Variants in HHLA2 observed in about 807,000 individuals in gnomAD.
The protein encoded by HHLA2 is HERV-H LTR-associating protein 2.
Under a neutral mutation model 45.9 loss-of-function variants are expected in HHLA2, and 48 were observed. The observed-to-expected ratio is 1.05, with a 90% CI of 0.83 to 1.33. The LOEUF is 1.33. HHLA2 is among the 40% of genes most tolerant of loss of function. The pLI is 0.00. For missense variants in HHLA2, 462 were observed against 494.3 expected (o/e 0.93, Z 0.62); for synonymous variants, 161 against 173.9 (o/e 0.93, Z 0.59).
chr3:108,334,130 G>T (rs983442111), intron 3 of HHLA2, among the ~76,000 whole-genome samples: 1 of 152,180 alleles, frequency 6.6e-6, no homozygotes, highest in Admixed American at 6.5e-5. Context: ...GAGTCATGCT[G>T]AAAACAGGCA....
chr3:108,367,941 T>G (rs2107499657), intron 8 of HHLA2, among the ~76,000 whole-genome samples: 1 of 152,200 alleles, frequency 6.6e-6, no homozygotes, highest in Non-Finnish European at 1.5e-5. Flanking sequence ...GAAAAAAATG[T>G]TAAGGGCAGC....
At chr3:108,349,679 T>C (rs1476301323) in intron 3 of HHLA2, among the ~76,000 whole-genome samples, 4 of 152,170 alleles carry the variant, frequency 2.6e-5, no homozygotes, top group African/African-American at 7.2e-5. Context: ...AGGTGTGAGA[T>C]GCAGAGTACA....
chr3:108,339,886 C>A (rs1443776109), intron 3 of HHLA2, among the ~76,000 whole-genome samples: 2 of 152,130 alleles, frequency 1.3e-5, no homozygotes, highest in Non-Finnish European at 2.9e-5. Context: ...TCAGGTGTGT[C>A]ACTTTTGCCT....
At chr3:108,340,375 A>G (rs949565675) in intron 3 of HHLA2, among the ~76,000 whole-genome samples, 6 of 152,206 alleles carry the variant, frequency 3.9e-5, no homozygotes, top group Non-Finnish European at 8.8e-5. Context: ...CCCCACTTAA[A>G]GAAATCTTCT....
chr3:108,373,041 G>A (rs572553091), intron 8 of HHLA2, among the ~76,000 whole-genome samples: 1 of 152,252 alleles, frequency 6.6e-6, no homozygotes, highest in South Asian at 2.1e-4. Flanking sequence ...GAGAATTTTA[G>A]ACCAATATCC....
intron 3 of HHLA2, among the ~76,000 whole-genome samples, chr3:108,347,596 A>G (rs544808491): frequency 1.3e-5 from 2 of 152,070 alleles, no homozygotes; most frequent in Non-Finnish European, 2.9e-5. Flanking sequence ...TTCTTTTTTT[A>G]AAAAATATGA....
intron 3 of HHLA2, among the ~76,000 whole-genome samples, chr3:108,342,766 A>G (rs2081596008): frequency 6.6e-6 from 1 of 152,098 alleles, no homozygotes; most frequent in African/African-American, 2.4e-5. Flanking sequence ...TTGCTGCTGC[A>G]TCTTTGTTCT....
chr3:108,308,180 T>C (rs1004215002), intron 1 of HHLA2, among the ~76,000 whole-genome samples: 1 of 152,192 alleles, frequency 6.6e-6, no homozygotes, highest in African/African-American at 2.4e-5. Flanking sequence ...CTTCCCAGCC[T>C]CTGGTAACAA....
rs138102526 is a variant in HHLA2 at position 108,298,628 on chromosome 3, A to T, written c.-192+2029A>T. On this transcript the variant is annotated intron_variant, in intron 1 of 10. Coordinates refer to ENST00000619531, the Ensembl canonical transcript of HHLA2. ...TCTCAGAGATAATGTACTGTATTGC[A>T]TCTTTTTCTGTTGGAGACTAGAATG... Among the ~76,000 whole-genome samples, 1,467 of 152,290 alleles carry T rather than the reference A, an allele frequency of 9.6e-3. 17 individuals are homozygous for T. The highest frequency in any genetic ancestry group is 0.016 in the Admixed American group (246 of 15,300).
At chr3:108,369,211 C>T (rs192996978) in intron 8 of HHLA2, among the ~76,000 whole-genome samples, 35 of 152,260 alleles carry the variant, frequency 2.3e-4, no homozygotes, top group South Asian at 2.1e-4. Context: ...ATCTCTGGGA[C>T]GCAGCTAAAG....
intron 8 of HHLA2, among the ~76,000 whole-genome samples, chr3:108,372,352 T>A (rs1387580272): frequency 6.6e-6 from 1 of 151,526 alleles, no homozygotes; most frequent in Admixed American, 6.6e-5. Flanking sequence ...TTTATAGCAC[T>A]AAATGCCCAC....
chr3:108,366,656 T>C (rs2082067832), intron 8 of HHLA2, among the ~76,000 whole-genome samples: 3 of 152,178 alleles, frequency 2.0e-5, no homozygotes, highest in Admixed American at 2.0e-4. Flanking sequence ...ATTTCAGAAC[T>C]TGTTATTGGT....
At chr3:108,338,471 CAT>C (rs79141380) in intron 3 of HHLA2, among the ~76,000 whole-genome samples, 6,128 of 152,224 alleles carry the variant, frequency 0.04, 177 homozygotes, top group Non-Finnish European at 0.054. Flanking sequence ...GGGGGGCACT[CAT>C]GTGTGCTCCT....
intron 2 of HHLA2, among the ~76,000 whole-genome samples, chr3:108,317,564 G>A (rs2081122232): frequency 6.6e-6 from 1 of 150,706 alleles, no homozygotes; most frequent in Non-Finnish European, 1.5e-5. Context: ...TAGGATAGTA[G>A]GGAGATTACT....
intron 3 of HHLA2, among the ~76,000 whole-genome samples, chr3:108,333,593 G>A (rs1414740193): frequency 1.1e-4 from 6 of 54,828 alleles, no homozygotes; most frequent in Admixed American, 9.1e-4. Flanking sequence ...TGCTCTCTCA[G>A]TAACCAAAAA....
chr3:108,376,212 G>A lies in HHLA2; in HGVS notation c.1160-281G>A, dbSNP rs370567454. On this transcript the variant is annotated intron_variant, in intron 9 of 10. Coordinates refer to ENST00000619531, the Ensembl canonical transcript of HHLA2. ...ATGACATTTCCATTGTTAGCAGTTG[G>A]TAGGAACCAGGCCAAGGATCACAAG... Among the ~76,000 whole-genome samples the A allele has an allele frequency of 5.9e-5, 9 of 152,110 alleles. No individual in the cohort carries two copies. The South Asian group carries it at 1.5e-3, about 25-fold the overall frequency.
intron 1 of HHLA2, among the ~76,000 whole-genome samples, chr3:108,305,159 T>C (rs1207703187): frequency 6.6e-6 from 1 of 152,164 alleles, no homozygotes; most frequent in Non-Finnish European, 1.5e-5. Flanking sequence ...CTGCTTAATA[T>C]GCTTTTAGCC....
intron 2 of HHLA2, among the ~76,000 whole-genome samples, chr3:108,321,268 C>A (rs1238385101): frequency 6.6e-6 from 1 of 152,032 alleles, no homozygotes; most frequent in Non-Finnish European, 1.5e-5. Context: ...CTATTTTGAA[C>A]TAATTTTCTG....
At chr3:108,330,156 C>T (rs2081359024) in intron 3 of HHLA2, among the ~76,000 whole-genome samples, 2 of 152,140 alleles carry the variant, frequency 1.3e-5, no homozygotes, top group Non-Finnish European at 1.5e-5. Context: ...AAATGGAAGC[C>T]ACAGTGTCTT....
Sources: allele counts gnomAD v4.1 joint callset (sites outside exome capture counted in the v4.1 genomes callset), GRCh38; gene constraint gnomAD v4.1.1; transcripts MANE v1.5; gene names NCBI Gene and HGNC (gene_info 2026-07-23, HGNC 2026-07-21).